CAMK1D: variants seen among roughly 807,000 people sequenced by gnomAD.
CAMK1D encodes the protein calcium/calmodulin-dependent protein kinase type 1D.
Under a neutral mutation model 47.7 loss-of-function variants are expected in CAMK1D, and 9 were observed. The observed-to-expected ratio is 0.19, with a 90% CI of 0.11 to 0.33. The LOEUF (loss-of-function observed/expected upper bound fraction) is 0.33, where lower values mean the gene tolerates loss of function less well. Among genes scored for constraint, CAMK1D ranks in the 10% least tolerant of loss-of-function variants. The pLI is 1.00. For synonymous variants in CAMK1D, 184 were observed against 184.9 expected (o/e 0.99, Z 0.04); for missense variants, 291 against 488.7 (o/e 0.60, Z 3.81).
intron 2 of CAMK1D, among the ~76,000 whole-genome samples, chr10:12,619,352 A>G (rs1838919672): frequency 6.6e-6 from 1 of 151,790 alleles, no homozygotes; most frequent in Non-Finnish European, 1.5e-5. Flanking sequence ...GTGCAGTGGT[A>G]CAATCATGGC....
chr10:12,492,426 T>C (rs1834415983), intron 1 of CAMK1D, among the ~76,000 whole-genome samples: 1 of 150,186 alleles, frequency 6.7e-6, no homozygotes, highest in African/African-American at 2.5e-5. Context: ...GGGAAGCTGA[T>C]GTGGGAGGAT....
intron 1 of CAMK1D, among the ~76,000 whole-genome samples, chr10:12,392,409 T>C (rs1838769519): frequency 6.6e-6 from 1 of 152,148 alleles, no homozygotes; most frequent in Admixed American, 6.5e-5. Flanking sequence ...TCTACTTTGT[T>C]CCTGAATTTA....
At chr10:12,758,636 T>A (rs1348433020) in intron 3 of CAMK1D, among the ~76,000 whole-genome samples, 4 of 152,216 alleles carry the variant, frequency 2.6e-5, no homozygotes, top group African/African-American at 9.6e-5. Flanking sequence ...TTATGCAGAT[T>A]TTTTCATTCA....
Position 12,405,945 on chromosome 10 carries a change from G to A in CAMK1D, c.92+56035G>A, listed in dbSNP as rs137991537. Among the ~76,000 whole-genome samples the A allele has an allele frequency of 2.8e-4, 43 of 152,266 alleles. 1 individual carries two copies. The East Asian group carries it at 6.2e-3, about 22-fold the overall frequency. On this transcript the variant is annotated intron_variant, in intron 1 of 10. Coordinates refer to ENST00000619168, the MANE Select transcript of CAMK1D (RefSeq NM_153498.4). ...GTTTTTATGTGAAGGTTTTGAAATC[G>A]ACGGGAGAAAGGGCAAATGCGAGCA...
At chr10:12,700,659 C>T (rs772638292) in intron 3 of CAMK1D, among the ~76,000 whole-genome samples, 8 of 152,112 alleles carry the variant, frequency 5.3e-5, no homozygotes, top group African/African-American at 1.7e-4. Context: ...AGACATGGCA[C>T]GAAATAGCCC....
intron 1 of CAMK1D, among the ~76,000 whole-genome samples, chr10:12,429,286 C>T (rs1840359913): frequency 6.6e-6 from 1 of 152,144 alleles, no homozygotes; most frequent in Non-Finnish European, 1.5e-5. Flanking sequence ...CTCCTCCAGG[C>T]AGTCTCCCCT....
chr10:12,410,987 G>A (rs1428700518), intron 1 of CAMK1D, among the ~76,000 whole-genome samples: 1 of 152,084 alleles, frequency 6.6e-6, no homozygotes, highest in Non-Finnish European at 1.5e-5. Flanking sequence ...TCTAGAGAGT[G>A]CATGGTTAGC....
intron 2 of CAMK1D, among the ~76,000 whole-genome samples, chr10:12,617,943 G>T (rs1838873893): frequency 6.6e-6 from 1 of 152,140 alleles, no homozygotes; most frequent in African/African-American, 2.4e-5. Context: ...CCGTTTATCT[G>T]TACTGATTTT....
At chr10:12,541,944 C>T (rs1273185849) in intron 1 of CAMK1D, among the ~76,000 whole-genome samples, 2 of 149,710 alleles carry the variant, frequency 1.3e-5, no homozygotes, top group East Asian at 2.0e-4. Flanking sequence ...GGTGCAATCA[C>T]AGCTTACTGC....
rs200235525 is a variant in CAMK1D, at chr10:12,466,135, TAGTG to T, written c.93-87087_93-87084del. 6.4e-3 allele frequency among the ~76,000 whole-genome samples: 965 copies of T among 151,744 alleles called. 10 individuals carry two copies. The highest frequency in any genetic ancestry group is 0.022 in the African/African-American group (909 of 41,370). ...GAGTTCGAGACTAGCCTGGGCAACATAGTGAGACACCGTCTCGAAAAAAAATTTT... is the reference window on the plus strand; with the variant it reads ...GAGTTCGAGACTAGCCTGGGCAACATAGACACCGTCTCGAAAAAAAATTTT... On this transcript the variant is annotated intron_variant, in intron 1 of 10. Coordinates refer to ENST00000619168, the MANE Select transcript of CAMK1D (RefSeq NM_153498.4).
chr10:12,491,820 CA>C (rs1834392999), intron 1 of CAMK1D, among the ~76,000 whole-genome samples: 2 of 152,184 alleles, frequency 1.3e-5, no homozygotes, highest in Non-Finnish European at 2.9e-5. Context: ...CAGAGTCTCA[CA>C]CCATCACCCA....
At chr10:12,806,625 G>T (rs1192966161) in intron 6 of CAMK1D, among the ~76,000 whole-genome samples, 1 of 152,174 alleles carries the variant, frequency 6.6e-6, no homozygotes, top group Admixed American at 6.5e-5. Flanking sequence ...CTCTTTCAAA[G>T]TGTCCTTCTC....
intron 4 of CAMK1D, among the ~76,000 whole-genome samples, chr10:12,767,182 T>C (rs537618026): frequency 6.6e-6 from 1 of 152,268 alleles, no homozygotes; most frequent in Non-Finnish European, 1.5e-5. Context: ...TTTTTATTTT[T>C]TTATTTGTTT....
At chr10:12,573,931 G>A (rs759330703) in intron 2 of CAMK1D, among the ~76,000 whole-genome samples, 1 of 132,674 alleles carries the variant, frequency 7.5e-6, no homozygotes, top group Non-Finnish European at 1.5e-5. Context: ...CTGCCTTGAC[G>A]TCCCAAGGTG....
rs865992076 is a variant in CAMK1D at position 12,578,485 on chromosome 10, G to A, written c.224+25129G>A. Among the ~76,000 whole-genome samples, 28 of 147,106 alleles carry A rather than the reference G, an allele frequency of 1.9e-4. 1 individual carries two copies. The highest frequency in any genetic ancestry group is 6.3e-4 in the African/African-American group (25 of 39,410). On this transcript the variant is annotated intron_variant, in intron 2 of 10. Coordinates refer to ENST00000619168, the MANE Select transcript of CAMK1D (RefSeq NM_153498.4). ...CTCGAGAGGCTGAGGCAGGAGAATC[G>A]CTTGAACCCGGGAGGCGGAGGTTGC...
intron 2 of CAMK1D, among the ~76,000 whole-genome samples, chr10:12,571,652 C>T (rs781571712): frequency 1.3e-5 from 2 of 151,994 alleles, no homozygotes; most frequent in Non-Finnish European, 2.9e-5. Context: ...TCCCCAGTAG[C>T]ATCAGTGTTG....
Position 12,787,403 on chromosome 10 carries a change from G to A in CAMK1D, c.566-3755G>A, listed in dbSNP as rs998652700. Among the ~76,000 whole-genome samples, 12 of 152,320 alleles carry A rather than the reference G, an allele frequency of 7.9e-5. No homozygotes were observed. The South Asian group carries it at 2.5e-3, about 32-fold the overall frequency. ...CATTCTAACAGATGATGAAGACGGG[G>A]AGGAGGTTGTTCTTTTAAAGAGTCC... On this transcript the variant is annotated intron_variant, in intron 5 of 10. Coordinates refer to ENST00000619168, the MANE Select transcript of CAMK1D (RefSeq NM_153498.4).
intron 2 of CAMK1D, among the ~76,000 whole-genome samples, chr10:12,575,877 A>G (rs1176770394): frequency 6.6e-6 from 1 of 152,228 alleles, no homozygotes; most frequent in Non-Finnish European, 1.5e-5. Flanking sequence ...ATTTAAGAAG[A>G]TTCCTGGAAG....
Position 12,577,202 on chromosome 10 carries a change from A to G in CAMK1D, c.224+23846A>G, listed in dbSNP as rs181193183. On this transcript the variant is annotated intron_variant, in intron 2 of 10. Coordinates refer to ENST00000619168, the MANE Select transcript of CAMK1D (RefSeq NM_153498.4). ...ACACAAGCCAGGACAAGCCCAGGGG[A>G]GGTCCCCGGACACACAGCGAAAATT... Among the ~76,000 whole-genome samples, 867 of 152,260 alleles carry G rather than the reference A, an allele frequency of 5.7e-3. 17 individuals carry two copies. Among genetic ancestry groups the G allele is most frequent in the Admixed American group, 0.037 (567 of 15,298 alleles).
Sources: allele counts gnomAD v4.1 joint callset (sites outside exome capture counted in the v4.1 genomes callset), GRCh38; gene constraint gnomAD v4.1.1; transcripts MANE v1.5; gene names NCBI Gene and HGNC (gene_info 2026-07-23, HGNC 2026-07-21).